Variants in MAPK11 observed in about 807,000 individuals in gnomAD.
MAPK11 encodes MAP kinase 11.
A neutral mutation model predicts 52.2 loss-of-function variants in MAPK11; 44 were observed. The ratio of observed to expected loss-of-function variants is 0.84; its 90% CI spans 0.66 to 1.08. The LOEUF is 1.08. Among genes scored for constraint, MAPK11 ranks in the 50% least tolerant of loss-of-function variants. The pLI, the probability that MAPK11 is intolerant of heterozygous loss-of-function variation, is 0.00. For missense variants in MAPK11, 436 were observed against 494.7 expected (o/e 0.88, Z 1.13); for synonymous variants, 233 against 206.3 (o/e 1.13, Z -1.11).
rs747784801 is a variant in MAPK11, at chr22:50,264,900, G to A, written c.*48C>T. 1.7e-5 allele frequency: 26 copies of A among 1,488,692 alleles called. No individual in the cohort carries two copies. In the East Asian group the frequency reaches 6.0e-4, roughly 34 times the overall value. The allele number at this position is 1,488,692 out of a possible 1,614,324, so 92.2% of individuals were successfully genotyped here. ...GAAACCAGGCCAGCTGTGGAAGGGTGCAGGCCCAAGCCCCTCCACAGGCTC... is the reference window on the plus strand; with the variant it reads ...GAAACCAGGCCAGCTGTGGAAGGGTACAGGCCCAAGCCCCTCCACAGGCTC... On this transcript the variant is annotated 3_prime_UTR_variant, in exon 12 of 12. Transcript: ENST00000330651.
chr22:50,266,598 G>A lies in MAPK11; in HGVS notation c.624C>T (p.Ser208=), dbSNP rs56358735. The change falls in exon 8 of 12, where the codon TCC becomes TCT. Residue 208 remains serine, a synonymous_variant. Transcript: ENST00000330651. ...MHYNQTVDIW[S]VGCIMAELLQ... is the part of the protein sequence containing the mutation. ...GCAGCTCAGCCATGATGCAGCCCAC[G>A]GACCAGATATCCACTGTGCGAGGGC... 27 of 1,531,266 alleles carry A rather than the reference G, an allele frequency of 1.8e-5. No homozygotes were observed. Among genetic ancestry groups the A allele is most frequent in the African/African-American group, 8.3e-5 (6 of 72,112 alleles). The allele number at this position is 1,531,266 out of a possible 1,614,324, so 94.9% of individuals were successfully genotyped here.
Position 50,270,141 on chromosome 22 carries a change from G to C in MAPK11, c.116+36C>G. ...GGGGACGCGCTCTCCGGCCCGGCCC[G>C]GCCCCCACCCAGCACCCCTTCTGCC... On this transcript the variant is annotated intron_variant, in intron 1 of 11. Transcript: ENST00000330651. This position sits in a 1 kb window ranked among gnomAD's most constrained non-coding sequence, Gnocchi z 6.3. 1 of 1,110,594 alleles carries C rather than the reference G, an allele frequency of 9.0e-7. No homozygotes were observed. Among genetic ancestry groups the C allele is most frequent in the Non-Finnish European group, 1.2e-6 (1 of 849,088 alleles). The allele number at this position is 1,110,594 out of a possible 1,614,324, so 68.8% of individuals were successfully genotyped here.
At chr22:50,267,506 G>C in intron 3 of MAPK11, 24 bp from the exon 4 acceptor site, 1 of 1,584,342 alleles carries the variant, frequency 6.3e-7, no homozygotes, top group Non-Finnish European at 8.6e-7. Flanking sequence ...AGGGGGTCAG[G>C]ACAGGGCCCC....
intron 2 of MAPK11, 57 bp from the exon 3 acceptor site, chr22:50,267,684 C>T (rs1186987707): frequency 2.0e-6 from 3 of 1,476,326 alleles, no homozygotes; most frequent in East Asian, 5.2e-5. Flanking sequence ...CGTTCAGCTC[C>T]CCCCGGGCCA....
In MAPK11 at chr22:50,267,813, G is replaced by A. The variant is rs750333832; in HGVS notation, c.246+7C>T. On this transcript the variant is annotated splice_region_variant and intron_variant, in intron 2 of 11. Coordinates refer to ENST00000330651, the MANE Select transcript of MAPK11 (RefSeq NM_002751.7). The stretch of plus-strand genomic sequence containing the variant: ...CGCCCTCCCCCCACGGCCCTCCCCC[G>A]GCTCACGTTCTCGTGCTTCAGGTGC... 1.5e-6 allele frequency: 2 copies of A among 1,302,396 alleles called. No homozygotes were observed. Among genetic ancestry groups the A allele is most frequent in the Non-Finnish European group, 2.1e-6 (2 of 950,612 alleles). 80.7% of individuals were successfully genotyped at this position (1,302,396 alleles called of 1,614,324 possible).
At chr22:50,269,282 C>T (rs1457651276) in intron 1 of MAPK11, among the ~76,000 whole-genome samples, 3 of 152,158 alleles carry the variant, frequency 2.0e-5, no homozygotes, top group Admixed American at 6.5e-5. Flanking sequence ...CTGGGACCCC[C>T]GGCCCCTGAT....
intron 2 of MAPK11, 32 bp downstream of exon 2, chr22:50,267,788 C>T (rs1164396163): frequency 2.0e-6 from 3 of 1,493,292 alleles, no homozygotes; most frequent in Non-Finnish European, 1.8e-6. Context: ...CCCCCGCACG[C>T]GCCCTCCCCC....
chr22:50,266,717 G>T, intron 7 of MAPK11, 106 bp from the exon 8 acceptor site: 3 of 1,162,732 alleles, frequency 2.6e-6, no homozygotes, highest in Non-Finnish European at 3.8e-6. Context: ...CCCCTCCTCT[G>T]CCATACCCAA....
At chr22:50,267,513 C>A in intron 3 of MAPK11, 31 bp from the exon 4 acceptor site, 1 of 1,564,892 alleles carries the variant, frequency 6.4e-7, no homozygotes, top group Non-Finnish European at 8.7e-7. Flanking sequence ...CAGGACAGGG[C>A]CCCACCGCCC....
chr22:50,269,179 G>A (rs2065288941), intron 1 of MAPK11, among the ~76,000 whole-genome samples: 2 of 152,162 alleles, frequency 1.3e-5, no homozygotes, highest in Non-Finnish European at 2.9e-5. Flanking sequence ...AGGTCTCAAA[G>A]AGGAAGACAG....
chr22:50,265,518 A>AC (rs1569147017), intron 10 of MAPK11, 24 bp from the exon 11 acceptor site: 1 of 1,612,788 alleles, frequency 6.2e-7, no homozygotes, highest in Admixed American at 1.7e-5. Context: ...AGTGGTGGGG[A>AC]GGGGGGTCAG....
intron 8 of MAPK11, 115 bp downstream of exon 8, chr22:50,266,425 G>C (rs2065262451): frequency 1.4e-6 from 2 of 1,388,646 alleles, no homozygotes; most frequent in Non-Finnish European, 2.0e-6. Context: ...CCAGCCCAAA[G>C]TAGCATAGCA....
chr22:50,267,106 A>C, intron 6 of MAPK11, 21 bp downstream of exon 6: 1 of 1,610,656 alleles, frequency 6.2e-7, no homozygotes, highest in Non-Finnish European at 8.5e-7. Context: ...CGCCCTGCCC[A>C]CCCCTGCCCA....
chr22:50,270,200 GC>G lies in MAPK11; in HGVS notation c.92del (p.Gly31AlafsTer22). 1 of 1,492,312 alleles carries G rather than the reference GC, an allele frequency of 6.7e-7. No homozygotes were observed. The allele number at this position is 1,492,312 out of a possible 1,614,324, so 92.4% of individuals were successfully genotyped here. ...PQRLQGLRPV[G>X]SGAYGSVCSA... is the part of the protein sequence containing the mutation. ...ACCAGACGGAGCCGTAGGCGCCGGA[GC>G]CCACCGGGCGCAGCCCCTGCAGCCG... On this transcript the variant is annotated frameshift_variant, in exon 1 of 12. Transcript: ENST00000330651. LOFTEE classifies it high-confidence loss of function. This position sits in a 1 kb window ranked among gnomAD's most constrained non-coding sequence, Gnocchi z 6.3.
intron 7 of MAPK11, 59 bp from the exon 8 acceptor site, chr22:50,266,670 G>T: frequency 6.6e-7 from 1 of 1,510,660 alleles, no homozygotes; most frequent in Non-Finnish European, 9.1e-7. Context: ...TCCTCCAGGA[G>T]ACCCACAGTC....
At chr22:50,269,522 G>A (rs1211809602) in intron 1 of MAPK11, among the ~76,000 whole-genome samples, 1 of 152,226 alleles carries the variant, frequency 6.6e-6, no homozygotes, top group Non-Finnish European at 1.5e-5. Context: ...TAGGACTCCC[G>A]GTAACTACCT....
chr22:50,265,691 T>C, intron 9 of MAPK11, 31 bp from the exon 10 acceptor site: 1 of 1,378,222 alleles, frequency 7.3e-7, no homozygotes, highest in Non-Finnish European at 1.0e-6. Flanking sequence ...CTGGGGAGGC[T>C]GCTCACTCTC....
chr22:50,267,213 C>T, intron 5 of MAPK11, 39 bp from the exon 6 acceptor site: 17 of 1,609,434 alleles, frequency 1.1e-5, no homozygotes, highest in East Asian at 4.5e-5. Context: ...GAGGCTGGGA[C>T]GGAGCCCTGC....
intron 11 of MAPK11, 95 bp from the exon 12 acceptor site, chr22:50,265,122 C>T: frequency 6.4e-6 from 8 of 1,242,610 alleles, no homozygotes; most frequent in Non-Finnish European, 9.1e-6. Context: ...GGCCCACCAC[C>T]CTGTGACAGC....
Sources: allele counts gnomAD v4.1 joint callset (sites outside exome capture counted in the v4.1 genomes callset), GRCh38; gene constraint gnomAD v4.1.1; non-coding constraint Gnocchi (gnomAD v3.1); transcripts MANE v1.5; gene names NCBI Gene and HGNC (gene_info 2026-07-23, HGNC 2026-07-21).